DRC11: variants seen among roughly 807,000 people sequenced by gnomAD.
DRC11 encodes dynein regulatory complex subunit 11.
the DRC11 span, among the ~76,000 whole-genome samples, chr2:236,358,566 G>C: frequency 6.9e-6 from 1 of 145,244 alleles, no homozygotes; most frequent in African/African-American, 2.5e-5. Context: ...CACCCCCCAG[G>C]TACCAGTCTC....
chr2:236,393,702 G>A, the DRC11 span, among the ~76,000 whole-genome samples: 2 of 152,234 alleles, frequency 1.3e-5, no homozygotes, highest in East Asian at 3.9e-4. This position sits in a 1 kb window ranked among gnomAD's most constrained non-coding sequence, Gnocchi z 4.7. Context: ...GGAAAAGCTA[G>A]ACTCTCAGGA....
At chr2:236,402,631 C>G in the DRC11 span, among the ~76,000 whole-genome samples, 1 of 152,136 alleles carries the variant, frequency 6.6e-6, no homozygotes, top group Non-Finnish European at 1.5e-5. The surrounding 1 kb of genome is among the most constrained non-coding windows in gnomAD (Gnocchi z 6.0). Flanking sequence ...AGGGAGAGAA[C>G]CTGGACCCAG....
At chr2:236,361,482 TGTG>T in the DRC11 span, among the ~76,000 whole-genome samples, 8,169 of 152,194 alleles carry the variant, frequency 0.054, 315 homozygotes, top group Middle Eastern at 0.14. This position sits in a 1 kb window ranked among gnomAD's most constrained non-coding sequence, Gnocchi z 5.7. Context: ...AACATTCTAT[TGTG>T]GTATATATAA....
chr2:236,459,476 T>A, the DRC11 span, among the ~76,000 whole-genome samples: 1 of 148,436 alleles, frequency 6.7e-6, no homozygotes. Flanking sequence ...AAAACTGTAA[T>A]TAAAAAATAT....
chr2:236,343,756 G>A, the DRC11 span: 3 of 1,303,666 alleles, frequency 2.3e-6, no homozygotes, highest in Non-Finnish European at 3.0e-6. This position sits in a 1 kb window ranked among gnomAD's most constrained non-coding sequence, Gnocchi z 6.6. Flanking sequence ...GCCAGCAGAG[G>A]GAGTGAACTA....
the DRC11 span, among the ~76,000 whole-genome samples, chr2:236,360,092 G>C: frequency 6.6e-6 from 1 of 152,202 alleles, no homozygotes; most frequent in Non-Finnish European, 1.5e-5. The surrounding 1 kb of genome is among the most constrained non-coding windows in gnomAD (Gnocchi z 5.8). Flanking sequence ...AGAACAGAAA[G>C]ATCACATCCT....
chr2:236,312,738 G>A, the DRC11 span, among the ~76,000 whole-genome samples: 1 of 151,688 alleles, frequency 6.6e-6, no homozygotes, highest in Non-Finnish European at 1.5e-5. Flanking sequence ...AATAAAGACA[G>A]CCATCAAATA....
chr2:236,388,308 G>A, the DRC11 span, among the ~76,000 whole-genome samples: 3 of 148,348 alleles, frequency 2.0e-5, no homozygotes, highest in Non-Finnish European at 3.0e-5. Flanking sequence ...CCAATCAGAC[G>A]TAGATTTGGT....
chr2:236,387,060 G>A, the DRC11 span, among the ~76,000 whole-genome samples: 3 of 152,032 alleles, frequency 2.0e-5, no homozygotes, highest in African/African-American at 4.8e-5. Flanking sequence ...TTTTATGTTC[G>A]CTGAGGAGAG....
the DRC11 span, among the ~76,000 whole-genome samples, chr2:236,349,588 G>A: frequency 6.6e-6 from 1 of 152,296 alleles, no homozygotes; most frequent in Admixed American, 6.5e-5. The surrounding 1 kb of genome is among the most constrained non-coding windows in gnomAD (Gnocchi z 5.5). Context: ...TGGAGCTGGA[G>A]GCCATTATCC....
At chr2:236,408,412 T>C in the DRC11 span, 5 of 741,062 alleles carry the variant, frequency 6.7e-6, no homozygotes, top group South Asian at 2.8e-5. This position sits in a 1 kb window ranked among gnomAD's most constrained non-coding sequence, Gnocchi z 5.5. Context: ...CTTGGTCACC[T>C]TGAAGACGTC....
At chr2:236,469,642 A>G in the DRC11 span, among the ~76,000 whole-genome samples, 1 of 152,226 alleles carries the variant, frequency 6.6e-6, no homozygotes, top group Non-Finnish European at 1.5e-5. The surrounding 1 kb of genome is among the most constrained non-coding windows in gnomAD (Gnocchi z 5.8). Flanking sequence ...CTCTGACAAA[A>G]ATACATTTGG....
chr2:236,506,613 T>C, the DRC11 span, among the ~76,000 whole-genome samples: 1 of 152,334 alleles, frequency 6.6e-6, no homozygotes, highest in East Asian at 1.9e-4. This position sits in a 1 kb window ranked among gnomAD's most constrained non-coding sequence, Gnocchi z 4.9. Context: ...TTCCCTCATC[T>C]GTAAAATGGA....
chr2:236,497,522 A>G, the DRC11 span: 1 of 1,466,538 alleles, frequency 6.8e-7, no homozygotes, highest in Non-Finnish European at 9.2e-7. This position sits in a 1 kb window ranked among gnomAD's most constrained non-coding sequence, Gnocchi z 5.1. Context: ...TGATACAGTA[A>G]ATAAAAATCA....
At chr2:236,446,566 T>C in the DRC11 span, among the ~76,000 whole-genome samples, 22 of 152,346 alleles carry the variant, frequency 1.4e-4, no homozygotes, top group South Asian at 4.6e-3. The surrounding 1 kb of genome is among the most constrained non-coding windows in gnomAD (Gnocchi z 6.2). Flanking sequence ...GTCTTTGTTT[T>C]CTCAGGGTCT....
chr2:236,492,341 T>A, the DRC11 span, among the ~76,000 whole-genome samples: 1 of 152,160 alleles, frequency 6.6e-6, no homozygotes, highest in African/African-American at 2.4e-5. Context: ...AACATGCCTA[T>A]GGGAAATGAG....
At chr2:236,349,534 C>T in the DRC11 span, among the ~76,000 whole-genome samples, 2 of 152,016 alleles carry the variant, frequency 1.3e-5, no homozygotes, top group South Asian at 4.2e-4. The surrounding 1 kb of genome is among the most constrained non-coding windows in gnomAD (Gnocchi z 5.5). Context: ...AACACTATGC[C>T]GCCATAAAAA....
the DRC11 span, among the ~76,000 whole-genome samples, chr2:236,396,959 C>T: frequency 6.6e-6 from 1 of 152,110 alleles, no homozygotes; most frequent in Non-Finnish European, 1.5e-5. Flanking sequence ...AAAGGGTGGG[C>T]GCGGGCAGAG....
At chr2:236,434,634 A>T in the DRC11 span, among the ~76,000 whole-genome samples, 9 of 151,814 alleles carry the variant, frequency 5.9e-5, no homozygotes, top group African/African-American at 2.2e-4. The surrounding 1 kb of genome is among the most constrained non-coding windows in gnomAD (Gnocchi z 5.5). Context: ...TGCCGTTCTG[A>T]CTCTTCAATC....
Sources: allele counts gnomAD v4.1 joint callset (sites outside exome capture counted in the v4.1 genomes callset), GRCh38; gene constraint gnomAD v4.1.1; non-coding constraint Gnocchi (gnomAD v3.1); transcripts MANE v1.5; gene names NCBI Gene and HGNC (gene_info 2026-07-23, HGNC 2026-07-21).